ITPA: variants seen among roughly 807,000 people sequenced by gnomAD.
The protein encoded by ITPA is inosine triphosphatase.
ITPA carries 29 observed loss-of-function variants against 29.6 expected under a neutral mutation model. That is an observed-to-expected ratio of 0.98 (90% CI 0.73 to 1.34). The LOEUF (loss-of-function observed/expected upper bound fraction) is 1.34. Among genes scored for constraint, ITPA ranks in the 40% most tolerant of loss-of-function variants. The pLI is 0.00. For synonymous variants in ITPA, 103 were observed against 99.3 expected, an observed-to-expected ratio of 1.04 and a Z score of -0.22; for missense variants, 241 against 251.5, an observed-to-expected ratio of 0.96 and a Z score of 0.28.
chr20:3,218,452 G>C (rs984126113), intron 5 of ITPA, 65 bp from the exon 6 acceptor site: 5 of 1,136,044 alleles, frequency 4.4e-6, no homozygotes, highest in Non-Finnish European at 6.7e-6. Context: ...CTTAGTGGGC[G>C]TCTTGGGAGT....
intron 1 of ITPA, among the ~76,000 whole-genome samples, chr20:3,212,269 C>T (rs971324102): frequency 6.6e-5 from 10 of 151,894 alleles, no homozygotes; most frequent in African/African-American, 2.4e-4. Context: ...GTTATATATA[C>T]TTTATTAATG....
At chr20:3,208,463 C>T (rs2067102564), upstream of ITPA, among the ~76,000 whole-genome samples, 1 of 152,196 alleles carries the variant, frequency 6.6e-6, no homozygotes, top group Non-Finnish European at 1.5e-5. Context: ...GCAACCCCCA[C>T]CTCCCGAATT....
intron 5 of ITPA, among the ~76,000 whole-genome samples, chr20:3,216,924 A>G (rs2067316577): frequency 1.3e-5 from 2 of 151,800 alleles, no homozygotes. Flanking sequence ...TCCATCGCCC[A>G]GGCTAGAGTG....
At chr20:3,212,352 C>T (rs1038796514) in intron 1 of ITPA, among the ~76,000 whole-genome samples, 5 of 150,510 alleles carry the variant, frequency 3.3e-5, no homozygotes, top group African/African-American at 1.2e-4. Flanking sequence ...CGGAGTCTCA[C>T]TCTGTCGCCT....
At chr20:3,206,494 T>G (rs1039400792), upstream of ITPA, among the ~76,000 whole-genome samples, 8 of 151,462 alleles carry the variant, frequency 5.3e-5, no homozygotes, top group African/African-American at 1.9e-4. Context: ...GTCGGGAATT[T>G]GAGACCAGCC....
upstream of ITPA, chr20:3,209,134 T>A (rs558593064): frequency 3.3e-6 from 1 of 306,198 alleles, no homozygotes; most frequent in South Asian, 2.8e-5. This position sits in a 1 kb window ranked among gnomAD's most constrained non-coding sequence, Gnocchi z 4.6. Context: ...AGGATGAGGG[T>A]TTGGAAGCCC....
At chr20:3,204,548 C>T (rs541303668), upstream of ITPA, 60 of 1,567,374 alleles carry the variant, frequency 3.8e-5, no homozygotes, top group East Asian at 6.5e-4. Context: ...TGATGCCGCC[C>T]GGCCCCGGCT....
In ITPA at chr20:3,218,644, C is replaced by A; in HGVS notation, c.411+12C>A. On this transcript the variant is annotated intron_variant, in intron 6 of 7. Transcript: ENST00000380113. ...GGGGCCGGACCTCGGTGCGTACCCA[C>A]CTTGATGCAGTTCCCGCCGCGCGCC... 1 of 1,596,780 alleles carries A rather than the reference C, an allele frequency of 6.3e-7. No individual in the cohort carries two copies. Among genetic ancestry groups the A allele is most frequent in the South Asian group, 1.1e-5 (1 of 90,752 alleles).
chr20:3,213,019 C>A, intron 1 of ITPA, 150 bp from the exon 2 acceptor site: 1 of 798,684 alleles, frequency 1.3e-6, no homozygotes, highest in South Asian at 1.5e-5. Context: ...GGGTGGGACC[C>A]TGAAAGCCGG....
In ITPA at chr20:3,214,055, A is replaced by T. The variant is rs1418082140; in HGVS notation, c.260A>T (p.Tyr87Phe). Residue 87 changes from tyrosine to phenylalanine, a missense_variant, in exon 4 of 8, where the codon TAC (tyrosine) becomes TTC (phenylalanine). Tyr to Phe is a conservative substitution (Grantham distance 22, BLOSUM62 3). Transcript: ENST00000380113. ...GCCCTTGGAGGGCTCCCCGGCCCCT[A>T]CATGTGAGTGACTACCTCCACCCCC... Reference protein sequence around the residue: ...FNALGGLPGPYIKWFLEKLKP... With the variant: ...FNALGGLPGPFIKWFLEKLKP... 1 of 1,614,062 alleles carries T rather than the reference A, an allele frequency of 6.2e-7. No individual in the cohort carries two copies. The highest frequency in any genetic ancestry group is 8.5e-7 in the Non-Finnish European group (1 of 1,180,014).
chr20:3,204,379 C>T (rs2067055975), upstream of ITPA, among the ~76,000 whole-genome samples: 1 of 152,112 alleles, frequency 6.6e-6, no homozygotes, highest in Non-Finnish European at 1.5e-5. Context: ...AGGTAGGGCA[C>T]TGCGGAAGCC....
chr20:3,224,815 C>CT (rs2067539384), downstream of ITPA, among the ~76,000 whole-genome samples: 2 of 152,162 alleles, frequency 1.3e-5, no homozygotes, highest in Admixed American at 1.3e-4. Flanking sequence ...GGGCACCTCT[C>CT]TGTGTTTCCT....
At chr20:3,204,663 C>T (rs1294606235), upstream of ITPA, 3 of 1,547,682 alleles carry the variant, frequency 1.9e-6, no homozygotes, top group South Asian at 1.2e-5. Context: ...TGCGTCCACC[C>T]TGAGGCCGGG....
chr20:3,214,248 G>C (rs904443374), intron 4 of ITPA, among the ~76,000 whole-genome samples, 190 bp downstream of exon 4: 21 of 152,162 alleles, frequency 1.4e-4, no homozygotes, highest in Middle Eastern at 3.2e-3. Context: ...CGACCTGTAA[G>C]TGGAGATGGT....
At chr20:3,218,715 A>ACT (rs2067379674) in intron 6 of ITPA, 83 bp downstream of exon 6, 1 of 1,092,862 alleles carries the variant, frequency 9.2e-7, no homozygotes, top group African/African-American at 1.5e-5. Context: ...AGTCTGCGGG[A>ACT]GGGTGGTGGG....
upstream of ITPA, among the ~76,000 whole-genome samples, chr20:3,205,074 A>T (rs2067061390): frequency 6.6e-6 from 1 of 151,698 alleles, no homozygotes; most frequent in South Asian, 2.1e-4. Flanking sequence ...CTGGTCTCGA[A>T]CTCCTGACCT....
rs150904363 is a variant in ITPA at position 3,214,028 on chromosome 20, A to G, written c.233A>G (p.Asn78Ser). The G allele has an allele frequency of 8.0e-4, 1,297 of 1,614,174 alleles. 9 individuals are homozygous for G. Among genetic ancestry groups the G allele is most frequent in the Middle Eastern group, 1.2e-3 (7 of 6,062 alleles). The stretch of plus-strand genomic sequence containing the variant: ...GTTGAGGACACTTGTCTGTGCTTCA[A>G]TGCCCTTGGAGGGCTCCCCGGCCCC... ...VLVEDTCLCF[N>S]ALGGLPGPYI... The change falls in exon 4 of 8, where the codon AAT becomes AGT. Residue 78 changes from asparagine (N) to serine (S), a missense_variant. Transcript: ENST00000380113.
chr20:3,213,192 G>C lies in ITPA; in HGVS notation c.90G>C (p.Lys30Asn). The C allele has an allele frequency of 1.2e-6, 2 of 1,614,162 alleles. No homozygotes were observed. Among genetic ancestry groups the C allele is most frequent in the Non-Finnish European group, 1.7e-6 (2 of 1,179,994 alleles). Residue 30 changes from lysine (K) to asparagine (N), a missense_variant, in exon 2 of 8, where the codon AAG (lysine) becomes AAC (asparagine). Physicochemically the swap from Lys to Asn is moderately conservative, Grantham distance 94. Coordinates refer to ENST00000380113, the MANE Select transcript of ITPA (RefSeq NM_033453.4). Reference sequence around the variant, plus strand: ...AGGTCGTTCAGATTCTAGGAGATAAGTTTCCATGCACTTTGGTGGCACAGA... The same window carrying C: ...AGGTCGTTCAGATTCTAGGAGATAACTTTCCATGCACTTTGGTGGCACAGA... ...LEEVVQILGD[K>N]FPCTLVAQKI...
chr20:3,217,554 C>T (rs1041723962), intron 5 of ITPA, among the ~76,000 whole-genome samples: 1 of 149,580 alleles, frequency 6.7e-6, no homozygotes, highest in Non-Finnish European at 1.5e-5. Flanking sequence ...GCTCACTGCC[C>T]ACCATCAGGG....
Sources: gnomAD v4.1 joint callset for allele counts (sites outside exome capture counted in the v4.1 genomes callset) on GRCh38, gnomAD v4.1.1 for gene constraint, Gnocchi (gnomAD v3.1) non-coding constraint, MANE v1.5 for transcripts, NCBI Gene and HGNC (gene_info 2026-07-23, HGNC 2026-07-21) for gene names.